Variants in ANO1 observed in about 807,000 individuals in gnomAD.
The protein encoded by ANO1 is anoctamin 1.
In ANO1, 59 loss-of-function variants were observed where a neutral mutation model predicts 124.0. The ratio of observed to expected loss-of-function variants is 0.48; its 90% CI spans 0.39 to 0.59. The LOEUF is 0.59. Ranked by LOEUF, ANO1 falls within the 20% of genes least tolerant of loss-of-function variation. ANO1 has a pLI of 0.00. For synonymous variants in ANO1, 529 were observed against 532.0 expected, an observed-to-expected ratio of 0.99 and a Z score of 0.08; for missense variants, 1,059 against 1,328.0, an observed-to-expected ratio of 0.80 and a Z score of 3.15.
At chr11:70,154,095 T>G (rs1390763273) in intron 14 of ANO1, among the ~76,000 whole-genome samples, 1 of 152,096 alleles carries the variant, frequency 6.6e-6, no homozygotes, top group Non-Finnish European at 1.5e-5. Context: ...TTTCACATGA[T>G]GTGGGACAAG....
At chr11:70,061,648 T>C (rs552309650) in intron 1 of ANO1, among the ~76,000 whole-genome samples, 1 of 152,302 alleles carries the variant, frequency 6.6e-6, no homozygotes, top group South Asian at 2.1e-4. Flanking sequence ...TGAGTTTCTC[T>C]GTTTGTTTTT....
chr11:69,985,586 G>A (rs112109339), upstream of ANO1, among the ~76,000 whole-genome samples: 11,880 of 152,252 alleles, frequency 0.078, 607 homozygotes, highest in South Asian at 0.12. Flanking sequence ...CTGGCTCAAG[G>A]CCCCCTCCTG....
At chr11:70,084,846 G>A (rs535178701) in intron 1 of ANO1, among the ~76,000 whole-genome samples, 2 of 152,336 alleles carry the variant, frequency 1.3e-5, no homozygotes, top group East Asian at 3.9e-4. Flanking sequence ...CAGAGACAGA[G>A]CCCTGCACTG....
the ANO1 span, among the ~76,000 whole-genome samples, chr11:69,971,760 C>A: frequency 6.6e-6 from 1 of 152,094 alleles, no homozygotes; most frequent in Non-Finnish European, 1.5e-5. Flanking sequence ...GCTGGATGAG[C>A]TTTGACACCC....
intron 22 of ANO1, among the ~76,000 whole-genome samples, chr11:70,175,550 C>T (rs968311652): frequency 7.2e-5 from 11 of 152,234 alleles, no homozygotes; most frequent in African/African-American, 2.4e-4. Context: ...AGCAGGGACC[C>T]AGCCGTGCGT....
chr11:70,012,800 C>T (rs1856624334), intron 1 of ANO1, among the ~76,000 whole-genome samples: 1 of 152,122 alleles, frequency 6.6e-6, no homozygotes, highest in Non-Finnish European at 1.5e-5. Flanking sequence ...TTCATCCATC[C>T]ATACATCTAT....
intron 1 of ANO1, among the ~76,000 whole-genome samples, chr11:70,066,255 G>A (rs1404666017): frequency 6.6e-6 from 1 of 152,214 alleles, no homozygotes; most frequent in Admixed American, 6.5e-5. Flanking sequence ...ACAAGCAGGG[G>A]GTCAGATGCC....
chr11:69,992,052 G>A (rs912022527), intron 1 of ANO1, among the ~76,000 whole-genome samples: 1 of 152,182 alleles, frequency 6.6e-6, no homozygotes, highest in Admixed American at 6.5e-5. Context: ...TTACTTGGTG[G>A]CAAGAAAAAA....
intron 1 of ANO1, among the ~76,000 whole-genome samples, chr11:70,046,732 A>G (rs1555005694): frequency 6.6e-6 from 1 of 152,064 alleles, no homozygotes; most frequent in Admixed American, 6.6e-5. Flanking sequence ...AAATGATGCA[A>G]TTTGGGCATC....
rs1030176735 is a variant in ANO1 at position 70,170,877 on chromosome 11, C to G, written c.2198-10C>G. On this transcript the variant is annotated splice_polypyrimidine_tract_variant and intron_variant, in intron 21 of 25. Coordinates refer to ENST00000355303, the MANE Select transcript of ANO1 (RefSeq NM_018043.7). ...ACGGGGTGCTGACTAGCACTGGGCT[C>G]TCTCTGCAGTCATCCAGTTTGGCTT... The G allele has an allele frequency of 2.5e-6, 4 of 1,612,368 alleles. No individual in the cohort carries two copies. Among genetic ancestry groups the G allele is most frequent in the Non-Finnish European group, 3.4e-6 (4 of 1,179,288 alleles).
intron 22 of ANO1, among the ~76,000 whole-genome samples, chr11:70,177,970 C>A (rs552324753): frequency 4.9e-4 from 75 of 152,374 alleles, no homozygotes; most frequent in African/African-American, 1.7e-3. Flanking sequence ...ACAAGCACAA[C>A]AAGATGGCCA....
chr11:70,012,468 A>G lies in ANO1; in HGVS notation c.58+26302A>G, dbSNP rs138970701. 6.6e-5 allele frequency among the ~76,000 whole-genome samples: 10 copies of G among 150,638 alleles called. No individual in the cohort carries two copies. The East Asian group carries it at 2.0e-3, about 30-fold the overall frequency. On this transcript the variant is annotated intron_variant, in intron 1 of 27. Transcript: ENST00000531349. Reference sequence around the variant, plus strand: ...CATTCATCTATCTATTTGTCCACAAATTCATCTATCCATTTGTACATCTAT... The same window carrying G: ...CATTCATCTATCTATTTGTCCACAAGTTCATCTATCCATTTGTACATCTAT...
intron 1 of ANO1, among the ~76,000 whole-genome samples, chr11:70,047,288 G>A (rs1338673679): frequency 1.3e-5 from 2 of 151,996 alleles, no homozygotes; most frequent in African/African-American, 4.8e-5. Flanking sequence ...TGGGTGTTGG[G>A]TATGAAGAAG....
chr11:70,053,930 T>C (rs72947361), intron 1 of ANO1, among the ~76,000 whole-genome samples: 2,010 of 152,354 alleles, frequency 0.013, 17 homozygotes, highest in South Asian at 0.016. Flanking sequence ...TTCTGGAAAA[T>C]GGTCCGTTTT....
At chr11:70,022,506 GA>G (rs1393226402) in intron 1 of ANO1, among the ~76,000 whole-genome samples, 2 of 152,080 alleles carry the variant, frequency 1.3e-5, no homozygotes, top group South Asian at 2.1e-4. Context: ...GGCTGAGGCA[GA>G]TGAATTGCTC....
chr11:70,038,543 C>A (rs925723353), intron 1 of ANO1, among the ~76,000 whole-genome samples: 1 of 152,070 alleles, frequency 6.6e-6, no homozygotes, highest in Admixed American at 6.6e-5. Context: ...GTTGATTTTG[C>A]GACACCGAGC....
At chr11:70,070,016 C>G (rs552027424) in intron 1 of ANO1, among the ~76,000 whole-genome samples, 1 of 152,268 alleles carries the variant, frequency 6.6e-6, no homozygotes, top group Non-Finnish European at 1.5e-5. Flanking sequence ...ATTGAAATGA[C>G]TTAATTAATT....
chr11:70,051,215 A>G (rs1330678179), intron 1 of ANO1, among the ~76,000 whole-genome samples: 5 of 152,186 alleles, frequency 3.3e-5, no homozygotes, highest in African/African-American at 1.2e-4. Context: ...TGTGGATTCA[A>G]CTTGCCTGTT....
chr11:70,031,041 T>C (rs951388191), intron 1 of ANO1, among the ~76,000 whole-genome samples: 1 of 152,164 alleles, frequency 6.6e-6, no homozygotes, highest in Non-Finnish European at 1.5e-5. Flanking sequence ...GCCTCCTGGG[T>C]TCAAGTGATT....
Sources: gnomAD v4.1 joint callset for allele counts (sites outside exome capture counted in the v4.1 genomes callset) on GRCh38, gnomAD v4.1.1 for gene constraint, MANE v1.5 for transcripts, NCBI Gene and HGNC (gene_info 2026-07-23, HGNC 2026-07-21) for gene names.